Variants in ADGRD1 observed in about 807,000 individuals in gnomAD.
ADGRD1 encodes G-protein coupled receptor 133.
A neutral mutation model predicts 113.4 loss-of-function variants in ADGRD1; 77 were observed. The ratio of observed to expected loss-of-function variants is 0.68; its 90% confidence interval spans 0.57 to 0.82. The LOEUF is 0.82. Ranked by LOEUF, ADGRD1 falls within the 40% of genes least tolerant of loss-of-function variation. The pLI is 0.00. For missense variants in ADGRD1, 1,036 were observed against 1,139.1 expected (o/e 0.91, Z 1.30); for synonymous variants, 474 against 475.0 (o/e 1.00, Z 0.03).
At chr12:131,024,854 T>A (rs1241194377) in intron 13 of ADGRD1, 1 of 152,218 alleles carries the variant, frequency 6.6e-6, no homozygotes, top group Admixed American at 6.5e-5. Flanking sequence ...GCAGCAGGCG[T>A]GTCTGTGTGA....
intron 5 of ADGRD1, among the ~76,000 whole-genome samples, chr12:130,983,846 A>G (rs940387343): frequency 6.6e-6 from 1 of 152,212 alleles, no homozygotes; most frequent in Non-Finnish European, 1.5e-5. Context: ...TCCTTCCAGC[A>G]GCAAGCTCAG....
At chr12:130,985,203 C>T (rs1031378500) in intron 5 of ADGRD1, among the ~76,000 whole-genome samples, 2 of 151,990 alleles carry the variant, frequency 1.3e-5, no homozygotes, top group Non-Finnish European at 2.9e-5. Context: ...TCCCAAAATG[C>T]GGGTCGTTTG....
intron 14 of ADGRD1, 46 bp downstream of exon 14, chr12:131,076,920 C>A: frequency 6.8e-7 from 1 of 1,462,002 alleles, no homozygotes; most frequent in African/African-American, 1.4e-5. Context: ...GGTGTCCAAG[C>A]CCAGGCCCGC....
intron 13 of ADGRD1, among the ~76,000 whole-genome samples, chr12:131,033,852 G>C (rs1310777486): frequency 6.6e-6 from 1 of 152,188 alleles, no homozygotes; most frequent in Non-Finnish European, 1.5e-5. Context: ...CTGGGGACAC[G>C]TGGTATCTGC....
rs191176945 is a variant in ADGRD1, at chr12:131,022,177, A to C, written c.1473+7837A>C. 1.3e-5 allele frequency among the ~76,000 whole-genome samples: 2 copies of C among 152,264 alleles called. No homozygotes were observed. The highest frequency in any genetic ancestry group is 4.8e-5 in the African/African-American group (2 of 41,560). ...TAGTGGGGAGCAATTCGGCTCCAGCATAGCAAATATGGGATGTGAATGCTC... is the reference window on the plus strand; with the variant it reads ...TAGTGGGGAGCAATTCGGCTCCAGCCTAGCAAATATGGGATGTGAATGCTC... On this transcript the variant is annotated intron_variant, in intron 13 of 24. Transcript: ENST00000261654. This position sits in a 1 kb window ranked among gnomAD's most constrained non-coding sequence, Gnocchi z 4.6.
At chr12:131,066,156 A>T (rs1052881123) in intron 13 of ADGRD1, among the ~76,000 whole-genome samples, 1 of 151,742 alleles carries the variant, frequency 6.6e-6, no homozygotes, top group Non-Finnish European at 1.5e-5. Context: ...ATAAACCCTG[A>T]CTCCAGCAGT....
chr12:131,007,463 G>A (rs769592847), intron 12 of ADGRD1, among the ~76,000 whole-genome samples: 3 of 152,216 alleles, frequency 2.0e-5, no homozygotes, highest in East Asian at 3.9e-4. Flanking sequence ...AGGAGAGGCC[G>A]GCGGGGCCTG....
At chr12:131,011,042 G>T (rs1378740751) in intron 12 of ADGRD1, among the ~76,000 whole-genome samples, 2 of 151,690 alleles carry the variant, frequency 1.3e-5, no homozygotes, top group Non-Finnish European at 2.9e-5. Flanking sequence ...TGGAGGCAGG[G>T]TATAAGGGGC....
In ADGRD1 at chr12:131,018,406, G is replaced by A. The variant is rs577838968; in HGVS notation, c.1473+4066G>A. ...GTGGAGGACGCCCCCTGTGGTGCCTGGTGAACCTTAGTCTTAGAGATCGGT... is the reference window on the plus strand; with the variant it reads ...GTGGAGGACGCCCCCTGTGGTGCCTAGTGAACCTTAGTCTTAGAGATCGGT... On this transcript the variant is annotated intron_variant, in intron 13 of 24. Transcript: ENST00000261654. Among the ~76,000 whole-genome samples the A allele has an allele frequency of 2.8e-4, 42 of 152,208 alleles. No individual in the cohort carries two copies. In the South Asian group the frequency reaches 7.7e-3, roughly 28 times the overall value.
At chr12:130,995,764 AT>A (rs199498190) in intron 8 of ADGRD1, among the ~76,000 whole-genome samples, 2 of 150,242 alleles carry the variant, frequency 1.3e-5, no homozygotes, top group African/African-American at 2.5e-5. Context: ...GTTTTATTTT[AT>A]TTTTTTTAAT....
intron 2 of ADGRD1, among the ~76,000 whole-genome samples, chr12:130,958,651 C>T (rs896363080): frequency 5.9e-5 from 9 of 152,344 alleles, no homozygotes; most frequent in South Asian, 2.1e-4. Flanking sequence ...CGCCTGCCCC[C>T]GGGCAGCTCT....
chr12:131,049,127 G>A (rs1386299912), intron 13 of ADGRD1, among the ~76,000 whole-genome samples: 3 of 152,244 alleles, frequency 2.0e-5, no homozygotes, highest in Non-Finnish European at 4.4e-5. Context: ...AGGCTCAGGT[G>A]CCTGCTCCTT....
intron 18 of ADGRD1, among the ~76,000 whole-genome samples, chr12:131,110,066 T>C (rs1385870523): frequency 6.6e-6 from 1 of 152,218 alleles, no homozygotes; most frequent in Non-Finnish European, 1.5e-5. Context: ...TTTCCATCCT[T>C]TTACTTTCCA....
At chr12:131,138,406 C>T (rs1951157423) in intron 24 of ADGRD1, among the ~76,000 whole-genome samples, 177 bp downstream of exon 24, 1 of 152,208 alleles carries the variant, frequency 6.6e-6, no homozygotes, top group African/African-American at 2.4e-5. Flanking sequence ...ACACAGTGCC[C>T]TGTGTCCTGA....
chr12:131,115,000 G>A (rs948089840), intron 18 of ADGRD1, among the ~76,000 whole-genome samples: 4 of 152,248 alleles, frequency 2.6e-5, no homozygotes, highest in African/African-American at 9.6e-5. Flanking sequence ...TGTTCCTCTA[G>A]GGACAAAACT....
chr12:130,958,757 G>A (rs904488572), intron 2 of ADGRD1, among the ~76,000 whole-genome samples: 3 of 147,098 alleles, frequency 2.0e-5, no homozygotes, highest in African/African-American at 4.9e-5. Context: ...TGTTTCCATC[G>A]CAAGAGAACA....
At chr12:131,030,080 G>GT (rs1449129116) in intron 13 of ADGRD1, among the ~76,000 whole-genome samples, 5 of 112,796 alleles carry the variant, frequency 4.4e-5, no homozygotes, top group African/African-American at 1.7e-4. Flanking sequence ...TGGACCCGTC[G>GT]TAGGTGACAT....
intron 14 of ADGRD1, among the ~76,000 whole-genome samples, chr12:131,081,138 C>T (rs1342337088): frequency 6.6e-6 from 1 of 152,020 alleles, no homozygotes; most frequent in Non-Finnish European, 1.5e-5. Flanking sequence ...TATCTTTTCC[C>T]ATAATTTAAC....
At chr12:131,130,563 A>T (rs954476106) in intron 20 of ADGRD1, among the ~76,000 whole-genome samples, 10 of 152,126 alleles carry the variant, frequency 6.6e-5, no homozygotes, top group Non-Finnish European at 1.5e-4. Flanking sequence ...CTGCGCGAGG[A>T]GGAAGGGGAA....
Sources: allele counts gnomAD v4.1 joint callset (sites outside exome capture counted in the v4.1 genomes callset), GRCh38; gene constraint gnomAD v4.1.1; non-coding constraint Gnocchi (gnomAD v3.1); transcripts MANE v1.5; gene names NCBI Gene and HGNC (gene_info 2026-07-23, HGNC 2026-07-21).